SYNE2: variants seen among roughly 807,000 people sequenced by gnomAD.
SYNE2 encodes the protein spectrin repeat containing nuclear envelope protein 2.
In SYNE2, 431 loss-of-function variants were observed where a neutral mutation model predicts 856.3. That is an observed-to-expected ratio of 0.50 (90% CI 0.47 to 0.55). SYNE2 has a LOEUF of 0.55. SYNE2 is among the 20% of genes least tolerant of loss of function. The pLI is 0.00. For synonymous variants in SYNE2, 2,923 were observed against 2,872.3 expected, an observed-to-expected ratio of 1.02 and a Z score of -0.56; for missense variants, 8,129 against 8,023.2, an observed-to-expected ratio of 1.01 and a Z score of -0.50.
intron 45 of SYNE2, among the ~76,000 whole-genome samples, chr14:64,045,990 T>A (rs941366024): frequency 1.3e-5 from 2 of 152,238 alleles, no homozygotes; most frequent in Non-Finnish European, 2.9e-5. Context: ...TTGTTGGGGA[T>A]GTGGACATGT....
At chr14:63,935,274 C>T (rs113749040) in intron 2 of SYNE2, among the ~76,000 whole-genome samples, 1 of 152,148 alleles carries the variant, frequency 6.6e-6, no homozygotes, top group South Asian at 2.1e-4. Flanking sequence ...ATTGAGCACC[C>T]TATAAAGTGT....
intron 3 of SYNE2, 78 bp downstream of exon 3, chr14:63,940,753 G>T: frequency 7.3e-7 from 1 of 1,362,740 alleles, no homozygotes; most frequent in Non-Finnish European, 1.0e-6. Flanking sequence ...CCCCAAGGAG[G>T]CCATTAAAAA....
At chr14:64,108,670 C>T (rs1266925644) in intron 65 of SYNE2, among the ~76,000 whole-genome samples, 1 of 151,998 alleles carries the variant, frequency 6.6e-6, no homozygotes, top group African/African-American at 2.4e-5. Context: ...TTCTCCCAAT[C>T]TTTTGTCTAG....
intron 1 of SYNE2, among the ~76,000 whole-genome samples, chr14:63,870,857 T>C (rs1896650448): frequency 6.6e-6 from 1 of 152,178 alleles, no homozygotes; most frequent in Admixed American, 6.5e-5. Flanking sequence ...GGAAATCATA[T>C]TTAACCCTAT....
intron 53 of SYNE2, chr14:64,075,475 T>C (rs985666059): frequency 1.6e-5 from 3 of 192,664 alleles, no homozygotes; most frequent in African/African-American, 4.8e-5. Flanking sequence ...TCTAATTACA[T>C]GAAAGTAGAC....
At chr14:63,871,111 C>T (rs925456841) in intron 1 of SYNE2, among the ~76,000 whole-genome samples, 16 of 152,162 alleles carry the variant, frequency 1.1e-4, no homozygotes, top group Admixed American at 2.6e-4. Flanking sequence ...TTTATCAATG[C>T]GGTTGCACAG....
At chr14:63,773,135 A>G (rs1196429688) in intron 1 of SYNE2, among the ~76,000 whole-genome samples, 1 of 150,788 alleles carries the variant, frequency 6.6e-6, no homozygotes, top group East Asian at 1.9e-4. Flanking sequence ...TATTCATATA[A>G]TAAATTTTAC....
chr14:63,765,967 T>G (rs1050126332), intron 1 of SYNE2, among the ~76,000 whole-genome samples: 3 of 152,140 alleles, frequency 2.0e-5, no homozygotes, highest in Non-Finnish European at 4.4e-5. Context: ...ATTGTGCCAC[T>G]GCACTGCCAC....
At chr14:64,055,278 G>A (rs1249679143) in intron 48 of SYNE2, among the ~76,000 whole-genome samples, 2 of 151,776 alleles carry the variant, frequency 1.3e-5, no homozygotes, top group Non-Finnish European at 2.9e-5. Context: ...TAGTACAAGA[G>A]TTCCAAAGCA....
At position 63,929,325 on chromosome 14, in the gene SYNE2, A is replaced by G. The variant is rs564341212; in HGVS notation, c.80-11289A>G. ...GCAGAGCTAAAAAAATCTGTATCCT[A>G]TGGAAATTCTAGTGGGAAAGCCATA... On this transcript the variant is annotated intron_variant, in intron 2 of 115. Coordinates refer to ENST00000555002, the MANE Select transcript of SYNE2 (RefSeq NM_182914.3). 3.9e-5 allele frequency among the ~76,000 whole-genome samples: 6 copies of G among 152,356 alleles called. No individual in the cohort carries two copies. The East Asian group carries it at 1.2e-3, about 29-fold the overall frequency.
chr14:64,088,305 C>T (rs1380906577), intron 58 of SYNE2, among the ~76,000 whole-genome samples: 2 of 152,186 alleles, frequency 1.3e-5, no homozygotes, highest in Non-Finnish European at 2.9e-5. Context: ...ACTTTGCAAC[C>T]TGTAGTGTAA....
At chr14:63,821,425 C>A (rs1220850093) in intron 1 of SYNE2, among the ~76,000 whole-genome samples, 1 of 152,012 alleles carries the variant, frequency 6.6e-6, no homozygotes, top group Non-Finnish European at 1.5e-5. Context: ...AAGGAAACTT[C>A]AAAATGTATT....
At chr14:63,977,832 G>A in intron 12 of SYNE2, 73 bp from the exon 13 acceptor site, 3 of 1,043,362 alleles carry the variant, frequency 2.9e-6, no homozygotes, top group Non-Finnish European at 4.5e-6. Context: ...TGTAATGCAA[G>A]TGAGATTGAC....
chr14:64,124,162 G>A (rs149054005), intron 70 of SYNE2, among the ~76,000 whole-genome samples: 4,338 of 152,040 alleles, frequency 0.029, 224 homozygotes, highest in African/African-American at 0.099. Context: ...CTGAGATTGT[G>A]CCATTGCACT....
intron 1 of SYNE2, among the ~76,000 whole-genome samples, chr14:63,901,342 A>T (rs1362169341): frequency 6.6e-6 from 1 of 152,262 alleles, no homozygotes; most frequent in Admixed American, 6.5e-5. Flanking sequence ...ACCTGAACTA[A>T]TAATACCTTA....
intron 54 of SYNE2, among the ~76,000 whole-genome samples, chr14:64,077,635 TTG>T (rs66689374): frequency 0.78 from 111,178 of 142,830 alleles, 43,289 homozygotes; most frequent in Non-Finnish European, 0.87. Flanking sequence ...ACAGATAGAG[TTG>T]TTTTTTTTTT....
At chr14:63,784,567 G>A (rs955367372) in intron 1 of SYNE2, among the ~76,000 whole-genome samples, 4 of 152,050 alleles carry the variant, frequency 2.6e-5, no homozygotes, top group Admixed American at 1.3e-4. Context: ...TCTATGTTGC[G>A]CAGACTGGTC....
rs755018712 is a variant in SYNE2 at position 63,997,063 on chromosome 14, C to T, written c.3057C>T (p.Leu1019=). Reference sequence around the variant, plus strand: ...GTCAACAAGAAGTGAAGAGACTACTCAAAGATTATGAACAAAAGATAGAAA... The same window carrying T: ...GTCAACAAGAAGTGAAGAGACTACTTAAAGATTATGAACAAAAGATAGAAA... ...QKSQQEVKRL[L]KDYEQKIERL... The change falls in exon 24 of 116, where the codon CTC becomes CTT. Residue 1019 remains leucine, a synonymous_variant. Coordinates refer to ENST00000555002, the MANE Select transcript of SYNE2 (RefSeq NM_182914.3). The T allele has an allele frequency of 6.2e-7, 1 of 1,613,860 alleles. No homozygotes were observed. Among genetic ancestry groups the T allele is most frequent in the Admixed American group, 1.7e-5 (1 of 59,978 alleles).
At position 64,213,117 on chromosome 14, in the gene SYNE2, T is replaced by C. The variant is rs1010586697; in HGVS notation, c.19056+112T>C. Reference sequence around the variant, plus strand: ...TATAATGGTTAATTATGGTTTATTTTTTGGTTGAAAAGAAAGGGCTATATC... The same window carrying C: ...TATAATGGTTAATTATGGTTTATTTCTTGGTTGAAAAGAAAGGGCTATATC... On this transcript the variant is annotated intron_variant, in intron 105 of 115. Coordinates refer to ENST00000555002, the MANE Select transcript of SYNE2 (RefSeq NM_182914.3). 3 of 1,205,454 alleles carry C rather than the reference T, an allele frequency of 2.5e-6. No individual in the cohort carries two copies. In the African/African-American group the frequency reaches 4.6e-5, roughly 18 times the overall value. The allele number at this position is 1,205,454 out of a possible 1,614,324, so 74.7% of individuals were successfully genotyped here.
Sources: gnomAD v4.1 joint callset for allele counts (sites outside exome capture counted in the v4.1 genomes callset) on GRCh38, gnomAD v4.1.1 for gene constraint, MANE v1.5 for transcripts, NCBI Gene and HGNC (gene_info 2026-07-23, HGNC 2026-07-21) for gene names.